CAST: variants seen among roughly 807,000 people sequenced by gnomAD.
CAST encodes the protein MIR583 host.
A neutral mutation model predicts 119.6 loss-of-function variants in CAST; 76 were observed. That is an observed-to-expected ratio of 0.64 (90% CI 0.53 to 0.77). The LOEUF (loss-of-function observed/expected upper bound fraction) is 0.77, where lower values mean the gene tolerates loss of function less well. Among genes scored for constraint, CAST ranks in the 30% least tolerant of loss-of-function variants. The pLI is 0.00. For missense variants in CAST, 953 were observed against 946.5 expected (o/e 1.01, Z -0.09); for synonymous variants, 319 against 331.6 (o/e 0.96, Z 0.41).
chr5:96,469,922 G>C, the CAST span, among the ~76,000 whole-genome samples: 1 of 142,380 alleles, frequency 7.0e-6, no homozygotes, highest in Admixed American at 7.1e-5. Flanking sequence ...TGTATAAATT[G>C]TCCAAGGAAG....
chr5:96,638,000 GACTA>G (rs1747905434), intron 1 of CAST, among the ~76,000 whole-genome samples: 2 of 152,180 alleles, frequency 1.3e-5, no homozygotes, highest in African/African-American at 4.8e-5. Flanking sequence ...CCCCTGACTA[GACTA>G]ACTGAGAAAA....
At chr5:96,104,256 A>C in the CAST span, among the ~76,000 whole-genome samples, 1 of 152,130 alleles carries the variant, frequency 6.6e-6, no homozygotes, top group Non-Finnish European at 1.5e-5. Context: ...CCATTTGTCA[A>C]TTTTGGCTTT....
At chr5:96,348,596 G>T in the CAST span, among the ~76,000 whole-genome samples, 1 of 152,120 alleles carries the variant, frequency 6.6e-6, no homozygotes, top group Admixed American at 6.6e-5. Context: ...CAATCAGATG[G>T]TTTATTTTCC....
intron 1 of CAST, among the ~76,000 whole-genome samples, chr5:96,621,169 C>T (rs891746477): frequency 6.6e-6 from 1 of 152,292 alleles, no homozygotes; most frequent in South Asian, 2.1e-4. Flanking sequence ...TAAGTGTCTG[C>T]ATTTTAAATC....
chr5:96,635,863 C>A (rs1171558432), intron 1 of CAST, among the ~76,000 whole-genome samples: 3 of 152,184 alleles, frequency 2.0e-5, no homozygotes, highest in Admixed American at 2.0e-4. Flanking sequence ...ATTTAGATGG[C>A]TTCTTTCTAT....
At chr5:96,227,588 T>C in the CAST span, among the ~76,000 whole-genome samples, 1 of 152,276 alleles carries the variant, frequency 6.6e-6, no homozygotes, top group East Asian at 1.9e-4. Flanking sequence ...GAAGTTTGTT[T>C]TGTTTTTGTT....
At chr5:96,590,477 C>G (rs1247241806) in intron 1 of CAST, among the ~76,000 whole-genome samples, 6 of 152,172 alleles carry the variant, frequency 3.9e-5, no homozygotes, top group Non-Finnish European at 7.4e-5. Flanking sequence ...GGCCAGAACC[C>G]CCCAGAGCAT....
the CAST span, among the ~76,000 whole-genome samples, chr5:96,089,056 C>T: frequency 6.8e-6 from 1 of 147,390 alleles, no homozygotes; most frequent in African/African-American, 2.5e-5. Context: ...GTGCAAGGAG[C>T]TCCAAAAATC....
At chr5:96,423,250 C>A in the CAST span, 3 of 1,505,440 alleles carry the variant, frequency 2.0e-6, no homozygotes, top group South Asian at 1.2e-5. Context: ...AGAAGGAAAG[C>A]CCTAACTGTG....
At chr5:96,712,950 T>A (rs1453853690) in intron 3 of CAST, among the ~76,000 whole-genome samples, 1 of 152,190 alleles carries the variant, frequency 6.6e-6, no homozygotes, top group Non-Finnish European at 1.5e-5. Flanking sequence ...TACTTTGTGT[T>A]AGAGACATTT....
the CAST span, chr5:96,394,911 C>T: frequency 6.8e-6 from 11 of 1,614,138 alleles, no homozygotes; most frequent in Non-Finnish European, 9.3e-6. Flanking sequence ...TCATTCTGAA[C>T]AGTGTTGTAG....
intron 2 of CAST, among the ~76,000 whole-genome samples, chr5:96,681,011 G>A (rs753417990): frequency 3.3e-5 from 5 of 152,260 alleles, no homozygotes; most frequent in Non-Finnish European, 5.9e-5. Context: ...GCACAGGCTC[G>A]CACTGGGTGC....
chr5:96,061,056 G>T, the CAST span, among the ~76,000 whole-genome samples: 8 of 151,992 alleles, frequency 5.3e-5, no homozygotes, highest in African/African-American at 1.9e-4. Flanking sequence ...AGACCCAACC[G>T]TTAGGACTCC....
At chr5:96,090,260 C>T in the CAST span, among the ~76,000 whole-genome samples, 4 of 152,276 alleles carry the variant, frequency 2.6e-5, no homozygotes, top group East Asian at 7.7e-4. Flanking sequence ...AGCATGTCTT[C>T]CCCTTGCAGC....
the CAST span, among the ~76,000 whole-genome samples, chr5:96,233,305 G>A: frequency 6.6e-6 from 1 of 151,986 alleles, no homozygotes. Flanking sequence ...TGAGGAAACA[G>A]GAGAGGAAAG....
At chr5:96,650,695 T>C (rs2150204914) in intron 1 of CAST, among the ~76,000 whole-genome samples, 1 of 151,814 alleles carries the variant, frequency 6.6e-6, no homozygotes, top group South Asian at 2.1e-4. Flanking sequence ...TTTCCATATA[T>C]GTAATTTGTC....
the CAST span, chr5:96,379,718 C>A: frequency 6.6e-6 from 1 of 152,126 alleles, no homozygotes; most frequent in Admixed American, 6.6e-5. Flanking sequence ...CTCTCCTGCA[C>A]ACAATATTTT....
intron 26 of CAST, among the ~76,000 whole-genome samples, chr5:96,765,775 T>A (rs1769715131): frequency 6.6e-6 from 1 of 152,004 alleles, no homozygotes; most frequent in Non-Finnish European, 1.5e-5. Context: ...CCTAACATGG[T>A]TTCTGAAGAT....
chr5:96,495,164 T>C, the CAST span, among the ~76,000 whole-genome samples: 6 of 152,010 alleles, frequency 3.9e-5, no homozygotes, highest in African/African-American at 1.4e-4. Flanking sequence ...ATCAATATAT[T>C]GTAATCAAGA....
Sources: allele counts gnomAD v4.1 joint callset (sites outside exome capture counted in the v4.1 genomes callset), GRCh38; gene constraint gnomAD v4.1.1; transcripts MANE v1.5; gene names NCBI Gene and HGNC (gene_info 2026-07-23, HGNC 2026-07-21).